ZNF444: variants seen among roughly 807,000 people sequenced by gnomAD.
ZNF444 encodes the protein endothelial zinc finger protein 2.
In ZNF444, 8 loss-of-function variants were observed where a neutral mutation model predicts 14.4. The ratio of observed to expected loss-of-function variants is 0.56; its 90% CI spans 0.33 to 1.00. The LOEUF is 1.00. Among genes scored for constraint, ZNF444 ranks in the 50% least tolerant of loss-of-function variants. The probability of loss-of-function intolerance (pLI) is 0.03; values close to 1 mark genes in which losing one functional copy is unlikely to be tolerated. For missense variants in ZNF444, 510 were observed against 504.8 expected (o/e 1.01, Z -0.10); for synonymous variants, 258 against 235.9 (o/e 1.09, Z -0.86).
chr19:56,132,776 AG>A (rs2030509363), exon 1 of ZNF444: 1 of 152,078 alleles, frequency 6.6e-6, no homozygotes, highest in Non-Finnish European at 1.5e-5. Context: ...CTTGGCAGTG[AG>A]GGTAAGGTGA....
chr19:56,151,915 G>T (rs1308865051), intron 3 of ZNF444: 1 of 456,862 alleles, frequency 2.2e-6, no homozygotes, highest in Admixed American at 2.4e-5. Context: ...TTGGCATCTG[G>T]TGTGTGGGTC....
intron 4 of ZNF444, 48 bp downstream of exon 4, chr19:56,158,650 G>C (rs777795598): frequency 1.3e-6 from 2 of 1,502,772 alleles, no homozygotes; most frequent in Non-Finnish European, 1.8e-6. Context: ...CCAGCACCGG[G>C]GAGGGGGTTC....
intron 1 of ZNF444, among the ~76,000 whole-genome samples, chr19:56,133,792 G>A (rs900362162): frequency 3.5e-4 from 42 of 120,922 alleles, no homozygotes; most frequent in Non-Finnish European, 5.5e-4. Flanking sequence ...CAGCCTGGGC[G>A]ACAGAGCAAG....
At chr19:56,157,724 C>G (rs1568563731) in intron 3 of ZNF444, 1 of 152,230 alleles carries the variant, frequency 6.6e-6, no homozygotes, top group Non-Finnish European at 1.5e-5. Flanking sequence ...AATTTTCACA[C>G]CAGTGATTGC....
chr19:56,133,387 G>A (rs2123449566), intron 1 of ZNF444, among the ~76,000 whole-genome samples: 1 of 152,032 alleles, frequency 6.6e-6, no homozygotes, highest in East Asian at 1.9e-4. Flanking sequence ...TGCCCTTCTT[G>A]AGCCTCAGTT....
At chr19:56,159,002 A>G (rs2032085799) in intron 4 of ZNF444, among the ~76,000 whole-genome samples, 1 of 150,752 alleles carries the variant, frequency 6.6e-6, no homozygotes, top group Non-Finnish European at 1.5e-5. Flanking sequence ...CCATCCATCC[A>G]TCTACTCATC....
chr19:56,141,801 G>T (rs2030839321), intron 1 of ZNF444: 1 of 152,080 alleles, frequency 6.6e-6, no homozygotes, highest in Admixed American at 6.5e-5. Flanking sequence ...AAAGGTTTGC[G>T]GGAAGGGGCT....
rs768141433 is a variant in ZNF444, at chr19:56,144,198, G to GA, written c.-196-2049_-196-2048insA. ...TTGGTGCCTGCCTGTGGTCCCAGCTGCTCAGGAGGCTGAGCCAGGAGGATG... is the reference window on the plus strand; with the variant it reads ...TTGGTGCCTGCCTGTGGTCCCAGCTGACTCAGGAGGCTGAGCCAGGAGGATG... On this transcript the variant is annotated intron_variant, in intron 1 of 4. Transcript: ENST00000337080. This position sits in a 1 kb window ranked among gnomAD's most constrained non-coding sequence, Gnocchi z 4.0. Among the ~76,000 whole-genome samples, 25 of 152,090 alleles carry GA rather than the reference G, an allele frequency of 1.6e-4. No homozygotes were observed. The highest frequency in any genetic ancestry group is 3.1e-4 in the Non-Finnish European group (21 of 68,024).
At chr19:56,136,081 C>CAAAAAAA (rs1199112916) in intron 1 of ZNF444, among the ~76,000 whole-genome samples, 3,147 of 59,362 alleles carry the variant, frequency 0.053, 219 homozygotes, top group Non-Finnish European at 0.07. Context: ...GATTCCGTCT[C>CAAAAAAA]AAAAAAAAAA....
intron 1 of ZNF444, among the ~76,000 whole-genome samples, chr19:56,143,911 A>G (rs956216489): frequency 2.6e-5 from 4 of 152,088 alleles, no homozygotes; most frequent in Non-Finnish European, 4.4e-5. Context: ...CAGTCATGAG[A>G]AGGAGTCAGG....
At chr19:56,154,654 A>C (rs1390303855) in intron 3 of ZNF444, 9 of 147,168 alleles carry the variant, frequency 6.1e-5, no homozygotes, top group Non-Finnish European at 1.0e-4. Flanking sequence ...AGCCAGTCTC[A>C]TGGGACCCTC....
chr19:56,150,478 C>T (rs1334682602), intron 3 of ZNF444: 3 of 365,380 alleles, frequency 8.2e-6, no homozygotes, highest in Non-Finnish European at 1.6e-5. Context: ...CTGTTACTCT[C>T]TCTTTTTAAT....
intron 3 of ZNF444, chr19:56,150,543 A>G (rs1183444256): frequency 5.0e-6 from 2 of 403,378 alleles, no homozygotes; most frequent in Non-Finnish European, 9.8e-6. Context: ...ACAGACGGGA[A>G]TAACACTGCC....
intron 3 of ZNF444, among the ~76,000 whole-genome samples, chr19:56,148,737 T>A (rs2031372395): frequency 6.6e-6 from 1 of 151,942 alleles, no homozygotes; most frequent in Non-Finnish European, 1.5e-5. Flanking sequence ...CGCAGCGGCT[T>A]ACAAATCACA....
chr19:56,153,497 C>T (rs543586049), intron 3 of ZNF444, among the ~76,000 whole-genome samples: 1 of 152,302 alleles, frequency 6.6e-6, no homozygotes, highest in South Asian at 2.1e-4. Flanking sequence ...CGTTCCCAGC[C>T]TCCTCTTGTC....
At chr19:56,151,597 G>A in intron 3 of ZNF444, 1 of 373,332 alleles carries the variant, frequency 2.7e-6, no homozygotes, top group Non-Finnish European at 5.1e-6. Flanking sequence ...CTGACATCTG[G>A]GGGCGCTGCT....
chr19:56,136,996 T>G (rs1253725090), upstream of ZNF444, among the ~76,000 whole-genome samples: 1 of 151,470 alleles, frequency 6.6e-6, no homozygotes, highest in Non-Finnish European at 1.5e-5. Context: ...TTGGTCAGGC[T>G]GGTCTCAAGC....
chr19:56,147,322 T>A lies in ZNF444; in HGVS notation c.297+114T>A. The stretch of plus-strand genomic sequence containing the variant: ...CCCTGAAAACCAGTGTGACTCGCGG[T>A]GGGGAGGCTGCGGTACAGGCTGCGG... On this transcript the variant is annotated intron_variant, in intron 3 of 4. Transcript: ENST00000337080. This position sits in a 1 kb window ranked among gnomAD's most constrained non-coding sequence, Gnocchi z 5.9. The A allele has an allele frequency of 8.1e-7, 1 of 1,234,142 alleles. No homozygotes were observed. Among genetic ancestry groups the A allele is most frequent in the Non-Finnish European group, 1.1e-6 (1 of 946,016 alleles). 76.4% of individuals were successfully genotyped at this position (1,234,142 alleles called of 1,614,324 possible). A position where few individuals can be genotyped will look rare whatever the true frequency, so the allele number is the denominator to read the frequency against.
chr19:56,138,158 C>T (rs2030654054), upstream of ZNF444, among the ~76,000 whole-genome samples: 1 of 151,864 alleles, frequency 6.6e-6, no homozygotes, highest in Admixed American at 6.6e-5. Context: ...AATGGGTAAA[C>T]AAAATATGGT....
Sources: allele counts gnomAD v4.1 joint callset (sites outside exome capture counted in the v4.1 genomes callset), GRCh38; gene constraint gnomAD v4.1.1; non-coding constraint Gnocchi (gnomAD v3.1); transcripts MANE v1.5; gene names NCBI Gene and HGNC (gene_info 2026-07-23, HGNC 2026-07-21).